MSH3: variants seen among roughly 807,000 people sequenced by gnomAD.
The protein encoded by MSH3 is mutS homolog 3, also known as DNA mismatch repair protein Msh3.
A neutral mutation model predicts 123.3 loss-of-function variants in MSH3; 106 were observed. That is an observed-to-expected ratio of 0.86 (90% CI 0.73 to 1.01). The LOEUF (loss-of-function observed/expected upper bound fraction) is 1.01. Among genes scored for constraint, MSH3 ranks in the 50% least tolerant of loss-of-function variants. The pLI is 0.00. For missense variants in MSH3, 1,459 were observed against 1,347.6 expected, an observed-to-expected ratio of 1.08 and a Z score of -1.29; for synonymous variants, 515 against 481.4, an observed-to-expected ratio of 1.07 and a Z score of -0.91.
intron 8 of MSH3, among the ~76,000 whole-genome samples, chr5:80,707,019 A>G (rs1460364746): frequency 6.6e-6 from 1 of 152,198 alleles, no homozygotes; most frequent in Non-Finnish European, 1.5e-5. Context: ...GCCTTTTTGC[A>G]GTGGTTTTCT....
chr5:80,814,559 C>T (rs1745069379), intron 20 of MSH3, among the ~76,000 whole-genome samples: 1 of 152,244 alleles, frequency 6.6e-6, no homozygotes, highest in African/African-American at 2.4e-5. Context: ...GCGTGAGCCA[C>T]CACACCCAGC....
At chr5:80,711,099 A>G (rs921855943) in intron 8 of MSH3, among the ~76,000 whole-genome samples, 1 of 152,244 alleles carries the variant, frequency 6.6e-6, no homozygotes, top group Non-Finnish European at 1.5e-5. Flanking sequence ...AAAACTAGAA[A>G]AAAAGTTTTA....
intron 8 of MSH3, among the ~76,000 whole-genome samples, chr5:80,706,802 T>C (rs1421844061): frequency 2.0e-5 from 3 of 152,204 alleles, no homozygotes; most frequent in Non-Finnish European, 4.4e-5. Flanking sequence ...TCCAGACTTT[T>C]TAATAGAAAA....
In MSH3 at chr5:80,768,819, T is replaced by G. The variant is rs1312852588; in HGVS notation, c.2085-16T>G. 1 of 1,587,148 alleles carries G rather than the reference T, an allele frequency of 6.3e-7. No individual in the cohort carries two copies. Among genetic ancestry groups the G allele is most frequent in the Non-Finnish European group, 8.6e-7 (1 of 1,157,368 alleles). ...AATAAACTTCGAATATGTATTTGCATGTTTTGATTTTTTAGAGTTGGGGAT... is the reference window on the plus strand; with the variant it reads ...AATAAACTTCGAATATGTATTTGCAGGTTTTGATTTTTTAGAGTTGGGGAT... On this transcript the variant is annotated splice_polypyrimidine_tract_variant and intron_variant, in intron 14 of 23. Transcript: ENST00000265081.
At chr5:80,730,251 C>A (rs1428019276) in intron 10 of MSH3, among the ~76,000 whole-genome samples, 1 of 152,010 alleles carries the variant, frequency 6.6e-6, no homozygotes, top group Non-Finnish European at 1.5e-5. Context: ...GTATATTAAG[C>A]CAAAAATAAA....
At chr5:80,840,040 G>T (rs1745587445) in intron 20 of MSH3, among the ~76,000 whole-genome samples, 1 of 152,134 alleles carries the variant, frequency 6.6e-6, no homozygotes, top group African/African-American at 2.4e-5. Flanking sequence ...AAAATATGAA[G>T]AAATTTTTTA....
chr5:80,830,272 G>C (rs1016010998), intron 20 of MSH3, among the ~76,000 whole-genome samples: 2 of 152,004 alleles, frequency 1.3e-5, no homozygotes, highest in Non-Finnish European at 1.5e-5. Flanking sequence ...GCCTACTTCA[G>C]ATTTAATTTA....
intron 8 of MSH3, among the ~76,000 whole-genome samples, chr5:80,706,274 T>G (rs1010897263): frequency 6.6e-6 from 1 of 152,214 alleles, no homozygotes; most frequent in Admixed American, 6.5e-5. Flanking sequence ...TTAATGAACT[T>G]GTGGACTCAA....
chr5:80,796,295 T>A (rs2112031039), intron 19 of MSH3, among the ~76,000 whole-genome samples: 1 of 152,256 alleles, frequency 6.6e-6, no homozygotes. Flanking sequence ...TTCTGTCTAA[T>A]TACAATAATG....
chr5:80,827,142 G>A (rs1417940899), intron 20 of MSH3, among the ~76,000 whole-genome samples: 2 of 152,154 alleles, frequency 1.3e-5, no homozygotes, highest in African/African-American at 4.8e-5. Context: ...GAAAAGCAAT[G>A]AATTATTAAG....
intron 17 of MSH3, among the ~76,000 whole-genome samples, chr5:80,787,046 A>G (rs6151838): frequency 0.12 from 17,762 of 151,620 alleles, 1,132 homozygotes; most frequent in African/African-American, 0.17. Flanking sequence ...TGTTTATTTT[A>G]TGCCAACATT....
intron 20 of MSH3, among the ~76,000 whole-genome samples, chr5:80,817,087 AC>A (rs1315153134): frequency 6.6e-6 from 1 of 152,212 alleles, no homozygotes; most frequent in Non-Finnish European, 1.5e-5. Flanking sequence ...ATGTTCTGAG[AC>A]TGAACCTTAA....
At chr5:80,763,021 A>G (rs1226138032) in intron 13 of MSH3, among the ~76,000 whole-genome samples, 1 of 151,760 alleles carries the variant, frequency 6.6e-6, no homozygotes, top group Non-Finnish European at 1.5e-5. Flanking sequence ...TAATTTTTGT[A>G]TTTTTAGCAG....
At chr5:80,711,594 A>G (rs938092440) in intron 8 of MSH3, among the ~76,000 whole-genome samples, 4 of 152,008 alleles carry the variant, frequency 2.6e-5, no homozygotes, top group Non-Finnish European at 4.4e-5. Flanking sequence ...GATTGTGTCT[A>G]TTTCCTTCTC....
chr5:80,691,891 A>ATATGTTTATATAGATAAACATG (rs1750268546), intron 8 of MSH3, among the ~76,000 whole-genome samples: 1 of 135,722 alleles, frequency 7.4e-6, no homozygotes, highest in Non-Finnish European at 1.6e-5. Context: ...ATAAACGTGT[A>ATATGTTTATATAGATAAACATG]TATGTTTATA....
At chr5:80,772,843 A>T (rs1212227533) in intron 15 of MSH3, among the ~76,000 whole-genome samples, 1 of 152,178 alleles carries the variant, frequency 6.6e-6, no homozygotes, top group Non-Finnish European at 1.5e-5. Flanking sequence ...TGAAACTCTG[A>T]GGATTGCTGA....
At chr5:80,676,782 T>A (rs1205137963) in intron 7 of MSH3, among the ~76,000 whole-genome samples, 2 of 152,214 alleles carry the variant, frequency 1.3e-5, no homozygotes, top group Non-Finnish European at 2.9e-5. Context: ...TTTTAAGCTT[T>A]AACATATGTA....
At chr5:80,784,977 A>C (rs1744478336) in intron 17 of MSH3, among the ~76,000 whole-genome samples, 1 of 152,218 alleles carries the variant, frequency 6.6e-6, no homozygotes. Flanking sequence ...AAAGTCATTT[A>C]TGTACAATAC....
intron 15 of MSH3, among the ~76,000 whole-genome samples, chr5:80,775,294 A>G (rs1336018430): frequency 2.6e-5 from 4 of 152,180 alleles, no homozygotes; most frequent in Admixed American, 6.5e-5. Flanking sequence ...ATCATATCTC[A>G]GACTGGTGTA....
Sources: gnomAD v4.1 joint callset for allele counts (sites outside exome capture counted in the v4.1 genomes callset) on GRCh38, gnomAD v4.1.1 for gene constraint, MANE v1.5 for transcripts, NCBI Gene and HGNC (gene_info 2026-07-23, HGNC 2026-07-21) for gene names.